IGF2R: variants seen among roughly 807,000 people sequenced by gnomAD.
IGF2R encodes cation-independent mannose-6-phosphate receptor.
Under a neutral mutation model 270.6 loss-of-function variants are expected in IGF2R, and 91 were observed. The ratio of observed to expected loss-of-function variants is 0.34; its 90% CI spans 0.28 to 0.40. The LOEUF is 0.40. Among genes scored for constraint, IGF2R ranks in the 10% least tolerant of loss-of-function variants. The pLI is 1.00. For synonymous variants in IGF2R, 1,316 were observed against 1,258.9 expected (o/e 1.05, Z -0.96); for missense variants, 2,805 against 3,188.3 (o/e 0.88, Z 2.90).
intron 41 of IGF2R, among the ~76,000 whole-genome samples, chr6:160,086,860 C>T (rs1779107530): frequency 6.6e-6 from 1 of 152,160 alleles, no homozygotes; most frequent in African/African-American, 2.4e-5. Context: ...ACCGCATGCC[C>T]CTGCCTGGAA....
intron 10 of IGF2R, among the ~76,000 whole-genome samples, chr6:160,037,138 C>G (rs140247245): frequency 6.6e-6 from 1 of 152,270 alleles, no homozygotes; most frequent in Non-Finnish European, 1.5e-5. Flanking sequence ...TATGTAAATT[C>G]AGTACCATCG....
Position 160,073,207 on chromosome 6 carries a change from G to C in IGF2R, c.4691-6G>C, listed in dbSNP as rs374601410. On this transcript the variant is annotated splice_polypyrimidine_tract_variant and splice_region_variant and intron_variant, in intron 33 of 47. Transcript: ENST00000356956. ...GTGTTTTCTCCGCCTTTCCCTTGTG[G>C]TGCAGGGGCCTGCTTTGGACAGACC... 1 of 1,612,754 alleles carries C rather than the reference G, an allele frequency of 6.2e-7. No individual in the cohort carries two copies. Among genetic ancestry groups the C allele is most frequent in the Non-Finnish European group, 8.5e-7 (1 of 1,178,932 alleles).
At position 160,062,603 on chromosome 6, in the gene IGF2R, C is replaced by T. The variant is rs375087362; in HGVS notation, c.3654C>T (p.Pro1218=). ...TCTGGAGAACTGTGGAAGCCTGTCCCGTTGTCAGAGTGGAAGGTAGGACTG... is the reference window on the plus strand; with the variant it reads ...TCTGGAGAACTGTGGAAGCCTGTCCTGTTGTCAGAGTGGAAGGTAGGACTG... ...VFIWRTVEAC[P]VVRVEGDNCE... is the part of the protein sequence containing the mutation. The change falls in exon 26 of 48, where the codon CCC becomes CCT. Residue 1218 remains proline (P), a synonymous_variant. Coordinates refer to ENST00000356956, the MANE Select transcript of IGF2R (RefSeq NM_000876.4). 7 of 1,613,208 alleles carry T rather than the reference C, an allele frequency of 4.3e-6. No homozygotes were observed. Among genetic ancestry groups the T allele is most frequent in the Admixed American group, 1.7e-5 (1 of 59,978 alleles).
At chr6:159,973,127 A>G (rs1583235122) in intron 1 of IGF2R, among the ~76,000 whole-genome samples, 1 of 152,070 alleles carries the variant, frequency 6.6e-6, no homozygotes, top group African/African-American at 2.4e-5. Context: ...GGAGGGCGGG[A>G]ATAGTAGAGC....
rs1237969331 is a variant in IGF2R at position 160,088,162 on chromosome 6, G to A, written c.6320+15G>A. On this transcript the variant is annotated intron_variant, in intron 42 of 47. Coordinates refer to ENST00000356956, the MANE Select transcript of IGF2R (RefSeq NM_000876.4). ...GCATTCAAGAGGTCAGGAGACTGGG[G>A]GCTCAGAGCGGGACTGTGCAGTGAG... 16 of 1,451,394 alleles carry A rather than the reference G, an allele frequency of 1.1e-5. No individual in the cohort carries two copies. Among genetic ancestry groups the A allele is most frequent in the Non-Finnish European group, 1.4e-5 (14 of 1,031,840 alleles). The allele number at this position is 1,451,394 out of a possible 1,614,324, so 89.9% of individuals were successfully genotyped here.
In IGF2R at chr6:160,047,884, G is replaced by A. The variant is rs1160650030; in HGVS notation, c.2322G>A (p.Thr774=). 1.9e-6 allele frequency: 3 copies of A among 1,612,888 alleles called. No homozygotes were observed. The highest frequency in any genetic ancestry group is 2.5e-6 in the Non-Finnish European group (3 of 1,178,970). ...AATGCGTAGTGACCGACCCCTCCAC[G>A]CTGGAGCAGTACGACCTCTCCAGGT... ...PLECVVTDPS[T]LEQYDLSSLA... Residue 774 remains threonine (T), a synonymous_variant, in exon 17 of 48, where the codon ACG becomes ACA. Transcript: ENST00000356956.
chr6:160,056,554 C>G, intron 20 of IGF2R, 29 bp downstream of exon 20: 10 of 1,418,698 alleles, frequency 7.0e-6, no homozygotes, highest in Non-Finnish European at 1.0e-5. Flanking sequence ...GGCCCTCGTG[C>G]TGAGCTGCCT....
At chr6:160,061,701 A>G in intron 24 of IGF2R, 52 bp from the exon 25 acceptor site, 1 of 1,613,150 alleles carries the variant, frequency 6.2e-7, no homozygotes, top group Non-Finnish European at 8.5e-7. Flanking sequence ...AGAGCATTTG[A>G]CTCAAGGTCA....
chr6:159,969,368 A>G lies in IGF2R; in HGVS notation c.122A>G (p.Gln41Arg). Residue 41 changes from glutamine to arginine, a missense_variant, in exon 1 of 48, where the codon CAG becomes CGG. Physicochemically the swap from Gln to Arg is conservative, Grantham distance 43 (BLOSUM62 1). Coordinates refer to ENST00000356956, the MANE Select transcript of IGF2R (RefSeq NM_000876.4). The stretch of plus-strand genomic sequence containing the variant: ...GCTGCCCCGGGGTCCACGCAGGCCC[A>G]GGCCGCCCCGTTCCCCGAGCTGTGC... ...LVAAPGSTQA[Q>R]AAPFPELCSY... 7.8e-7 allele frequency: 1 copy of G among 1,287,376 alleles called. No individual in the cohort carries two copies. Among genetic ancestry groups the G allele is most frequent in the Admixed American group, 3.4e-5 (1 of 29,684 alleles). 79.7% of individuals were successfully genotyped at this position (1,287,376 alleles called of 1,614,324 possible). A position where few individuals can be genotyped will look rare whatever the true frequency, so the allele number is the denominator to read the frequency against.
In IGF2R at chr6:160,104,953, G is replaced by A. The variant is rs778717399; in HGVS notation, c.7345G>A (p.Asp2449Asn). The change falls in exon 48 of 48, where the codon GAT becomes AAT. Residue 2449 changes from aspartate (D) to asparagine (N), a missense_variant. By Grantham distance (23) the Asp-to-Asn change is conservative. Around this residue, in one of 2 missense-constraint regions of IGF2R, gnomAD observed 1,851 missense variants for 2,207.2 expected, o/e 0.84. Transcript: ENST00000356956. ...QSNALQERED[D>N]RVGLVRGEKA... The stretch of plus-strand genomic sequence containing the variant: ...CAATGCCCTTCAGGAGCGTGAGGAC[G>A]ATAGGGTGGGGCTGGTCAGGGGTGA... 3.1e-6 allele frequency: 5 copies of A among 1,613,982 alleles called. No individual in the cohort carries two copies. The African/African-American group carries it at 4.0e-5, about 13-fold the overall frequency.
chr6:160,105,054 C>G lies in IGF2R; in HGVS notation c.7446C>G (p.Asp2482Glu), dbSNP rs548937731. ...VSSTKLVSFH[D>E]DSDEDLLHI ...CCACCAAGCTGGTGTCCTTCCATGA[C>G]GACAGCGACGAGGACCTCTTACACA... Residue 2482 changes from aspartate (D) to glutamate (E), a missense_variant, in exon 48 of 48, where the codon GAC becomes GAG. Physicochemically the swap from Asp to Glu is conservative, Grantham distance 45. Transcript: ENST00000356956. 5.0e-6 allele frequency: 8 copies of G among 1,602,428 alleles called. No individual in the cohort carries two copies. In the Admixed American group the frequency reaches 1.2e-4, roughly 24 times the overall value.
chr6:160,088,278 A>G, intron 42 of IGF2R, 131 bp downstream of exon 42: 2 of 673,672 alleles, frequency 3.0e-6, no homozygotes, highest in South Asian at 3.2e-5. Flanking sequence ...ATTGTGCTGT[A>G]TTGGGCGGGG....
chr6:159,981,942 C>T (rs942689055), intron 1 of IGF2R, among the ~76,000 whole-genome samples: 1 of 152,166 alleles, frequency 6.6e-6, no homozygotes, highest in East Asian at 1.9e-4. Context: ...TTGGCATTTC[C>T]CTGCTTCTAT....
chr6:160,060,818 G>T (rs1435993627), intron 23 of IGF2R, 101 bp downstream of exon 23: 11 of 1,140,582 alleles, frequency 9.6e-6, no homozygotes. Context: ...ATTTGTGTGT[G>T]TGTGGTGTGT....
intron 1 of IGF2R, among the ~76,000 whole-genome samples, chr6:159,990,277 T>A (rs1184710165): frequency 6.6e-6 from 1 of 152,144 alleles, no homozygotes; most frequent in Non-Finnish European, 1.5e-5. Flanking sequence ...GTAGTTCCCA[T>A]AATCCCCATG....
intron 24 of IGF2R, 36 bp from the exon 25 acceptor site, chr6:160,061,717 T>C: frequency 6.2e-7 from 1 of 1,613,584 alleles, no homozygotes; most frequent in Non-Finnish European, 8.5e-7. Context: ...GGTCATCGCC[T>C]TCCTCATGCC....
chr6:160,016,704 G>T (rs1224196990), intron 4 of IGF2R, among the ~76,000 whole-genome samples: 1 of 152,022 alleles, frequency 6.6e-6, no homozygotes, highest in African/African-American at 2.4e-5. Flanking sequence ...CTGCTCACCA[G>T]CCTGGTATAT....
chr6:159,978,072 C>T (rs541517546), intron 1 of IGF2R, among the ~76,000 whole-genome samples: 1 of 152,258 alleles, frequency 6.6e-6, no homozygotes, highest in East Asian at 1.9e-4. Flanking sequence ...TAACCTGTTT[C>T]TCGCCCTCCC....
intron 18 of IGF2R, among the ~76,000 whole-genome samples, chr6:160,049,815 G>C (rs1312501838): frequency 6.6e-6 from 1 of 152,220 alleles, no homozygotes; most frequent in African/African-American, 2.4e-5. Context: ...GTGTGTAATA[G>C]GTTTGTTTGC....
Sources: allele counts gnomAD v4.1 joint callset (sites outside exome capture counted in the v4.1 genomes callset), GRCh38; gene constraint gnomAD v4.1.1; regional missense constraint gnomAD v4.1.1; transcripts MANE v1.5; gene names NCBI Gene and HGNC (gene_info 2026-07-23, HGNC 2026-07-21).